Variants in TMEM135 observed in about 807,000 individuals in gnomAD.
TMEM135 encodes transmembrane protein 135.
Under a neutral mutation model 60.3 loss-of-function variants are expected in TMEM135, and 30 were observed. That is an observed-to-expected ratio of 0.50 (90% CI 0.37 to 0.68). The LOEUF (loss-of-function observed/expected upper bound fraction) is 0.68. Among genes scored for constraint, TMEM135 ranks in the 30% least tolerant of loss-of-function variants. The probability of loss-of-function intolerance (pLI) is 0.00; values close to 1 mark genes in which losing one functional copy is unlikely to be tolerated. For missense variants in TMEM135, 468 were observed against 548.8 expected, an observed-to-expected ratio of 0.85 and a Z score of 1.47; for synonymous variants, 190 against 186.7, an observed-to-expected ratio of 1.02 and a Z score of -0.14.
At chr11:87,092,180 T>G (rs749785023) in intron 4 of TMEM135, among the ~76,000 whole-genome samples, 7 of 152,224 alleles carry the variant, frequency 4.6e-5, no homozygotes, top group African/African-American at 7.2e-5. Flanking sequence ...TGTGTTTCTG[T>G]GCTAGATGCT....
At chr11:87,154,690 C>G (rs1162558123) in intron 4 of TMEM135, among the ~76,000 whole-genome samples, 5 of 152,128 alleles carry the variant, frequency 3.3e-5, no homozygotes, top group African/African-American at 1.2e-4. Flanking sequence ...GAAGTGGTAT[C>G]TCACTGTGGT....
At chr11:87,070,559 C>T (rs1478696094) in intron 2 of TMEM135, among the ~76,000 whole-genome samples, 1 of 151,828 alleles carries the variant, frequency 6.6e-6, no homozygotes, top group Non-Finnish European at 1.5e-5. Context: ...TCGCTTGAAC[C>T]CAGGAGGCAG....
intron 6 of TMEM135, among the ~76,000 whole-genome samples, chr11:87,256,889 A>G (rs573549354): frequency 1.3e-5 from 2 of 150,654 alleles, no homozygotes; most frequent in South Asian, 4.2e-4. Context: ...TCCTGCCTTC[A>G]CTTCTTTCCT....
At chr11:87,087,711 A>G (rs1478730064) in intron 3 of TMEM135, among the ~76,000 whole-genome samples, 1 of 152,136 alleles carries the variant, frequency 6.6e-6, no homozygotes, top group Non-Finnish European at 1.5e-5. Flanking sequence ...GCTCTGATGG[A>G]ATTCTATTCC....
In TMEM135 at chr11:87,328,522, G is replaced by C; in HGVS notation, c.*7189G>C. On this transcript the variant is annotated 3_prime_UTR_variant, in exon 15 of 15. Transcript: ENST00000305494. ...TTCCTTCCCCTTCTGAGTCTCCATAGTCCATTATATCACTCTGTATACCCT... is the reference window on the plus strand; with the variant it reads ...TTCCTTCCCCTTCTGAGTCTCCATACTCCATTATATCACTCTGTATACCCT... 2 of 453,968 alleles carry C rather than the reference G, an allele frequency of 4.4e-6. No homozygotes were observed. Among genetic ancestry groups the C allele is most frequent in the Non-Finnish European group, 8.8e-6 (2 of 226,780 alleles). The allele number at this position is 453,968 out of a possible 1,614,324, so 28.1% of individuals were successfully genotyped here.
chr11:87,181,641 G>T (rs913795021), intron 5 of TMEM135, among the ~76,000 whole-genome samples: 2 of 152,100 alleles, frequency 1.3e-5, no homozygotes, highest in African/African-American at 4.8e-5. Flanking sequence ...TGATGAAACT[G>T]TTCGGCATAG....
chr11:87,249,403 C>G (rs538761214), intron 6 of TMEM135, among the ~76,000 whole-genome samples: 27 of 151,330 alleles, frequency 1.8e-4, no homozygotes, highest in Non-Finnish European at 3.2e-4. Context: ...ATTGATTTAT[C>G]TTTTCAAAAA....
At chr11:87,239,189 C>A (rs151162046) in intron 6 of TMEM135, among the ~76,000 whole-genome samples, 14 of 152,006 alleles carry the variant, frequency 9.2e-5, no homozygotes, top group Non-Finnish European at 2.1e-4. Flanking sequence ...GTTTAAAATA[C>A]TTTCCAGAAG....
chr11:87,314,726 A>G (rs1486608900), intron 12 of TMEM135, among the ~76,000 whole-genome samples, 179 bp downstream of exon 12: 1 of 151,850 alleles, frequency 6.6e-6, no homozygotes, highest in Non-Finnish European at 1.5e-5. Flanking sequence ...AATATACATT[A>G]AGTATAGAAA....
At chr11:87,209,045 G>T (rs546367452) in intron 5 of TMEM135, among the ~76,000 whole-genome samples, 1 of 152,220 alleles carries the variant, frequency 6.6e-6, no homozygotes, top group African/African-American at 2.4e-5. Context: ...AGATCTGCAC[G>T]ATCTCCTAGA....
chr11:87,101,820 A>G (rs1857464402), intron 4 of TMEM135, among the ~76,000 whole-genome samples: 2 of 152,124 alleles, frequency 1.3e-5, no homozygotes, highest in African/African-American at 4.8e-5. Context: ...CTAAAAAAAC[A>G]AAATTAACCG....
chr11:87,305,916 T>G lies in TMEM135; in HGVS notation c.699-20T>G, dbSNP rs375433327. 1 of 1,598,468 alleles carries G rather than the reference T, an allele frequency of 6.3e-7. No individual in the cohort carries two copies. Among genetic ancestry groups the G allele is most frequent in the Non-Finnish European group, 8.5e-7 (1 of 1,169,770 alleles). On this transcript the variant is annotated intron_variant, in intron 8 of 14. Transcript: ENST00000305494. Reference sequence around the variant, plus strand: ...ACACTTTAATTATAATTAGTTTAATTTTTTTGGGTTCAATTTCAGATGCAA... The same window carrying G: ...ACACTTTAATTATAATTAGTTTAATGTTTTTGGGTTCAATTTCAGATGCAA...
chr11:87,302,644 C>T (rs543717997), intron 8 of TMEM135, among the ~76,000 whole-genome samples: 2 of 152,228 alleles, frequency 1.3e-5, no homozygotes, highest in African/African-American at 4.8e-5. Context: ...CCAGCATATG[C>T]CTTTAAAAGA....
chr11:87,067,759 A>T lies in TMEM135; in HGVS notation c.207A>T (p.Leu69=). Residue 69 remains leucine, a synonymous_variant, in exon 2 of 15, where the codon CTA becomes CTT. Transcript: ENST00000305494. The part of the protein sequence containing the change: ...YYLHKLLPEI[L]QSASFLTANG... ...TACACAAACTACTCCCTGAGATCCTACAATCCGCTTCATTTCTAACTGCTA... is the reference window on the plus strand; with the variant it reads ...TACACAAACTACTCCCTGAGATCCTTCAATCCGCTTCATTTCTAACTGCTA... The T allele has an allele frequency of 6.2e-7, 1 of 1,613,990 alleles. No individual in the cohort carries two copies. The highest frequency in any genetic ancestry group is 8.5e-7 in the Non-Finnish European group (1 of 1,179,946).
At chr11:87,073,509 C>A (rs767469801) in intron 3 of TMEM135, among the ~76,000 whole-genome samples, 1 of 152,240 alleles carries the variant, frequency 6.6e-6, no homozygotes, top group Non-Finnish European at 1.5e-5. Context: ...ATTCCAGGAA[C>A]ATAGGTTACT....
chr11:87,287,238 C>A (rs1942182701), intron 6 of TMEM135, among the ~76,000 whole-genome samples: 1 of 152,130 alleles, frequency 6.6e-6, no homozygotes, highest in Non-Finnish European at 1.5e-5. Flanking sequence ...AAGTGATCAG[C>A]AACACAATGT....
chr11:87,117,507 C>T (rs754525007), intron 4 of TMEM135, among the ~76,000 whole-genome samples: 13 of 152,050 alleles, frequency 8.5e-5, no homozygotes, highest in Non-Finnish European at 1.9e-4. Flanking sequence ...CAATAATGTC[C>T]ACAGCATAAT....
intron 5 of TMEM135, among the ~76,000 whole-genome samples, chr11:87,232,780 A>G (rs1286847729): frequency 6.6e-6 from 1 of 152,158 alleles, no homozygotes; most frequent in Non-Finnish European, 1.5e-5. Flanking sequence ...GAATATAGAC[A>G]ATTTAGAGAT....
At chr11:87,090,180 T>C (rs1857177035) in intron 3 of TMEM135, among the ~76,000 whole-genome samples, 1 of 152,154 alleles carries the variant, frequency 6.6e-6, no homozygotes, top group East Asian at 1.9e-4. Flanking sequence ...GGTCCAATGT[T>C]ATATTTTATA....
Sources: gnomAD v4.1 joint callset for allele counts (sites outside exome capture counted in the v4.1 genomes callset) on GRCh38, gnomAD v4.1.1 for gene constraint, MANE v1.5 for transcripts, NCBI Gene and HGNC (gene_info 2026-07-23, HGNC 2026-07-21) for gene names.